Variants in HERC4 observed in about 807,000 individuals in gnomAD.
HERC4 encodes HECT and RLD domain containing E3 ubiquitin protein ligase 4.
Under a neutral mutation model 124.3 loss-of-function variants are expected in HERC4, and 28 were observed. The observed-to-expected ratio is 0.23, with a 90% CI of 0.17 to 0.31. The LOEUF is 0.31. HERC4 is among the 10% of genes least tolerant of loss of function. The probability of loss-of-function intolerance (pLI) is 1.00; values close to 1 mark genes in which losing one functional copy is unlikely to be tolerated. For missense variants in HERC4, 713 were observed against 1,229.3 expected (o/e 0.58, Z 6.28); for synonymous variants, 407 against 421.5 (o/e 0.97, Z 0.42).
chr10:67,977,273 T>C (rs775093689), intron 15 of HERC4, among the ~76,000 whole-genome samples: 1 of 152,178 alleles, frequency 6.6e-6, no homozygotes, highest in Non-Finnish European at 1.5e-5. Context: ...CTTTCCAGAC[T>C]GTAGCTCCTG....
chr10:67,925,968 A>G (rs1354222729), intron 23 of HERC4, among the ~76,000 whole-genome samples: 1 of 152,214 alleles, frequency 6.6e-6, no homozygotes, highest in Non-Finnish European at 1.5e-5. Flanking sequence ...CCCTGAGCCC[A>G]AACTACTCAG....
Position 68,059,630 on chromosome 10 carries a change from C to CATA in HERC4, c.226+13250_226+13252dup, listed in dbSNP as rs1257828507. ...TATTATATATCATAATATTATATAT[C>CATA]ATAATATTATATATTATATTATATA... On this transcript the variant is annotated intron_variant, in intron 3 of 24. Coordinates refer to ENST00000373700, the MANE Select transcript of HERC4 (RefSeq NM_015601.4). Among the ~76,000 whole-genome samples the CATA allele has an allele frequency of 2.8e-3, 203 of 72,328 alleles. 47 individuals carry two copies. The East Asian group carries it at 0.042, about 15-fold the overall frequency. The allele number at this position is 72,328 out of a possible 152,430, so 47.4% of individuals were successfully genotyped here.
intron 4 of HERC4, chr10:68,040,067 A>G (rs924214841): frequency 2.2e-5 from 17 of 787,400 alleles, no homozygotes; most frequent in Non-Finnish European, 2.6e-5. Flanking sequence ...GGCACCTACT[A>G]TAGTGCCTAA....
Position 67,966,797 on chromosome 10 carries a change from A to G in HERC4, c.1812T>C (p.Asn604=). 1 of 1,539,714 alleles carries G rather than the reference A, an allele frequency of 6.5e-7. No individual in the cohort carries two copies. The highest frequency in any genetic ancestry group is 8.8e-7 in the Non-Finnish European group (1 of 1,141,206). The change falls in exon 16 of 25, where the codon AAT becomes AAC. Residue 604 remains asparagine, a synonymous_variant. Transcript: ENST00000373700. Reference sequence around the variant, plus strand: ...ACTGTATAATCTGTCCCATTTTCTCATTTACCTACAAAAGAAAATGTAATT... The same window carrying G: ...ACTGTATAATCTGTCCCATTTTCTCGTTTACCTACAAAAGAAAATGTAATT... The part of the protein sequence containing the change: ...LKVLEILHRV[N]EKMGQIIQYD...
chr10:68,037,228 G>C (rs914846259), intron 5 of HERC4, among the ~76,000 whole-genome samples: 3 of 151,528 alleles, frequency 2.0e-5, no homozygotes, highest in Non-Finnish European at 2.9e-5. Flanking sequence ...CCGAGTAGCT[G>C]GGACTACAGG....
chr10:68,002,570 T>C (rs969707890), intron 9 of HERC4, among the ~76,000 whole-genome samples: 3 of 151,460 alleles, frequency 2.0e-5, no homozygotes, highest in Non-Finnish European at 2.9e-5. Context: ...AAAAGGCAAA[T>C]TTAAAATGTT....
intron 3 of HERC4, among the ~76,000 whole-genome samples, chr10:68,056,040 G>A (rs975545014): frequency 2.6e-5 from 4 of 152,024 alleles, no homozygotes; most frequent in South Asian, 2.1e-4. Context: ...AAGCCACCAC[G>A]CCTGGCCCTT....
Position 68,013,326 on chromosome 10 carries a change from A to G in HERC4, c.1069+700T>C, listed in dbSNP as rs181864098. 3.5e-3 allele frequency among the ~76,000 whole-genome samples: 531 copies of G among 152,290 alleles called. 7 individuals carry two copies. Among genetic ancestry groups the G allele is most frequent in the Non-Finnish European group, 6.2e-3 (422 of 68,014 alleles). On this transcript the variant is annotated intron_variant, in intron 9 of 24. Transcript: ENST00000373700. ...ATTACGATATTTGCTTTATTGCACT[A>G]TTTGCTTCATTGCAGTGGTCTGGAA...
At chr10:67,957,692 A>G (rs2034230839) in intron 16 of HERC4, among the ~76,000 whole-genome samples, 1 of 152,180 alleles carries the variant, frequency 6.6e-6, no homozygotes, top group African/African-American at 2.4e-5. Flanking sequence ...CCAGTAAAAC[A>G]ATATCTTTGT....
chr10:68,044,139 T>G (rs16925049), intron 4 of HERC4, among the ~76,000 whole-genome samples: 2,513 of 152,222 alleles, frequency 0.017, 77 homozygotes, highest in African/African-American at 0.057. Flanking sequence ...CTAAAAAAAT[T>G]TGTAATGAAG....
chr10:67,926,845 A>C (rs1454773961), intron 23 of HERC4, among the ~76,000 whole-genome samples: 1 of 152,182 alleles, frequency 6.6e-6, no homozygotes, highest in African/African-American at 2.4e-5. Context: ...ACTCTTTTTC[A>C]CTGTATTAAT....
intron 13 of HERC4, 133 bp from the exon 14 acceptor site, chr10:67,990,533 A>AGCATT: frequency 1.9e-6 from 1 of 524,758 alleles, no homozygotes. Flanking sequence ...GAAATGGTGA[A>AGCATT]GAAGAAAAAA....
At chr10:68,018,413 A>T (rs949471221) in intron 8 of HERC4, among the ~76,000 whole-genome samples, 1 of 152,230 alleles carries the variant, frequency 6.6e-6, no homozygotes, top group African/African-American at 2.4e-5. Context: ...AACAGCAAAC[A>T]TGATACTTAA....
At chr10:68,068,780 G>T (rs1290611623) in intron 3 of HERC4, 1 of 152,154 alleles carries the variant, frequency 6.6e-6, no homozygotes, top group Non-Finnish European at 1.5e-5. Flanking sequence ...AAAGATTTGT[G>T]AGATTAAGGA....
intron 19 of HERC4, among the ~76,000 whole-genome samples, chr10:67,950,544 G>A (rs893333180): frequency 6.6e-6 from 1 of 151,994 alleles, no homozygotes; most frequent in African/African-American, 2.4e-5. Flanking sequence ...CCAAAGTGCT[G>A]GGATTACAGG....
chr10:67,995,375 T>A, intron 9 of HERC4: 2 of 361,504 alleles, frequency 5.5e-6, no homozygotes, highest in South Asian at 4.4e-5. Context: ...AGTTATCTTA[T>A]AACAGGAAAG....
chr10:68,027,963 TTATA>T (rs968400044), intron 7 of HERC4, among the ~76,000 whole-genome samples: 7 of 146,118 alleles, frequency 4.8e-5, no homozygotes, highest in Non-Finnish European at 4.5e-5. Flanking sequence ...CATATTTTTA[TTATA>T]TATATATTTA....
chr10:68,072,683 C>G (rs556606499), intron 3 of HERC4, among the ~76,000 whole-genome samples, 200 bp downstream of exon 3: 1 of 151,530 alleles, frequency 6.6e-6, no homozygotes, highest in East Asian at 1.9e-4. Flanking sequence ...TTTTATAATA[C>G]TAGTAGTAAA....
At chr10:67,939,988 A>G (rs1270221480) in intron 20 of HERC4, among the ~76,000 whole-genome samples, 1 of 151,576 alleles carries the variant, frequency 6.6e-6, no homozygotes, top group African/African-American at 2.4e-5. Context: ...GTGCAGTGGC[A>G]TGATTTTGGC....
Sources: gnomAD v4.1 joint callset for allele counts (sites outside exome capture counted in the v4.1 genomes callset) on GRCh38, gnomAD v4.1.1 for gene constraint, MANE v1.5 for transcripts, NCBI Gene and HGNC (gene_info 2026-07-23, HGNC 2026-07-21) for gene names.